WDPCP: variants seen among roughly 807,000 people sequenced by gnomAD.
The protein encoded by WDPCP is WD repeat containing planar cell polarity effector.
A neutral mutation model predicts 93.1 loss-of-function variants in WDPCP; 71 were observed. The ratio of observed to expected loss-of-function variants is 0.76; its 90% confidence interval spans 0.63 to 0.93. The LOEUF (loss-of-function observed/expected upper bound fraction) is 0.93, where lower values mean the gene tolerates loss of function less well. Among genes scored for constraint, WDPCP ranks in the 40% least tolerant of loss-of-function variants. The pLI is 0.00. For synonymous variants in WDPCP, 315 were observed against 315.0 expected, an observed-to-expected ratio of 1.00 and a Z score of 0.00; for missense variants, 844 against 887.4, an observed-to-expected ratio of 0.95 and a Z score of 0.62.
At chr2:63,448,830 G>T (rs1698039366) in intron 6 of WDPCP, among the ~76,000 whole-genome samples, 1 of 152,148 alleles carries the variant, frequency 6.6e-6, no homozygotes, top group Admixed American at 6.5e-5. Flanking sequence ...TAGCACTAGA[G>T]AGTATGATGG....
At chr2:63,783,012 A>G (rs1670417646) in intron 2 of WDPCP, among the ~76,000 whole-genome samples, 1 of 152,136 alleles carries the variant, frequency 6.6e-6, no homozygotes, top group Admixed American at 6.6e-5. Context: ...TACAACCTCT[A>G]TGGAAAACAG....
At chr2:63,672,849 T>C (rs1710361391) in intron 2 of WDPCP, among the ~76,000 whole-genome samples, 2 of 152,070 alleles carry the variant, frequency 1.3e-5, no homozygotes. Flanking sequence ...ATTCAAGCCA[T>C]CCTCCTACCT....
intron 1 of WDPCP, among the ~76,000 whole-genome samples, chr2:63,824,935 G>C (rs1234452359): frequency 6.6e-6 from 1 of 151,984 alleles, no homozygotes; most frequent in Non-Finnish European, 1.5e-5. Context: ...GTTAATAATT[G>C]ACATTTTCAC....
chr2:63,330,952 C>T (rs938972881), intron 12 of WDPCP, among the ~76,000 whole-genome samples: 3 of 150,714 alleles, frequency 2.0e-5, no homozygotes, highest in African/African-American at 4.9e-5. Context: ...CTCACTGCAG[C>T]CTTGACCTCC....
At chr2:63,259,491 T>G in intron 13 of WDPCP, 82 bp from the exon 14 acceptor site, 2 of 1,077,686 alleles carry the variant, frequency 1.9e-6, no homozygotes, top group South Asian at 2.6e-5. Context: ...GGAAACTTAT[T>G]GTCCAGATTA....
At chr2:63,673,974 T>C (rs1219792970) in intron 2 of WDPCP, among the ~76,000 whole-genome samples, 1 of 152,200 alleles carries the variant, frequency 6.6e-6, no homozygotes, top group Non-Finnish European at 1.5e-5. Context: ...CTGGGTATGC[T>C]TTATTGGCTC....
intron 2 of WDPCP, among the ~76,000 whole-genome samples, chr2:63,769,641 T>C (rs1408479241): frequency 6.6e-6 from 1 of 151,910 alleles, no homozygotes; most frequent in African/African-American, 2.4e-5. Flanking sequence ...TACGGAATAA[T>C]TCAACAAGCA....
At chr2:63,508,565 G>T (rs1309479616) in intron 1 of WDPCP, among the ~76,000 whole-genome samples, 1 of 152,060 alleles carries the variant, frequency 6.6e-6, no homozygotes, top group East Asian at 1.9e-4. Context: ...ATAATGACAG[G>T]ATCAAATTCA....
At chr2:63,353,025 C>T (rs1689744049) in intron 12 of WDPCP, among the ~76,000 whole-genome samples, 1 of 152,086 alleles carries the variant, frequency 6.6e-6, no homozygotes, top group African/African-American at 2.4e-5. Context: ...AACAACCTGA[C>T]CCACGGAGAA....
intron 13 of WDPCP, among the ~76,000 whole-genome samples, chr2:63,306,700 G>A (rs1279721832): frequency 4.6e-5 from 7 of 152,142 alleles, no homozygotes; most frequent in African/African-American, 1.7e-4. Context: ...ACCACTTCAT[G>A]CTAAAAACTC....
chr2:63,531,384 C>T (rs995322803), intron 1 of WDPCP, among the ~76,000 whole-genome samples: 3 of 152,224 alleles, frequency 2.0e-5, no homozygotes, highest in Non-Finnish European at 4.4e-5. Flanking sequence ...GGACAGACTG[C>T]ATCCTCAAAT....
At chr2:63,558,219 G>A (rs933470884) in intron 1 of WDPCP, among the ~76,000 whole-genome samples, 6 of 151,746 alleles carry the variant, frequency 4.0e-5, no homozygotes, top group Admixed American at 6.6e-5. Context: ...CAAAATAGAC[G>A]GCTAGCTAAA....
In WDPCP at chr2:63,347,502, TCA is replaced by T. The variant is rs537814666; in HGVS notation, c.1748+30882_1748+30883del. On this transcript the variant is annotated intron_variant, in intron 12 of 17. Transcript: ENST00000272321. ...GAGCCTGGCAGTCTTGCTCCAAAAC[TCA>T]CACTCTTTACCATAGTGTTGCTCTA... 3.1e-3 allele frequency among the ~76,000 whole-genome samples: 470 copies of T among 152,276 alleles called. 4 individuals carry two copies. The highest frequency in any genetic ancestry group is 0.011 in the African/African-American group (451 of 41,556).
At chr2:63,461,035 G>GTCTGGGATCTT (rs1364615437) in intron 6 of WDPCP, among the ~76,000 whole-genome samples, 1 of 152,216 alleles carries the variant, frequency 6.6e-6, no homozygotes, top group Non-Finnish European at 1.5e-5. Flanking sequence ...ACAACTGATA[G>GTCTGGGATCTT]TCTGGGATCT....
chr2:63,675,692 C>A (rs1018229269), intron 2 of WDPCP, among the ~76,000 whole-genome samples: 3 of 152,042 alleles, frequency 2.0e-5, no homozygotes, highest in African/African-American at 4.8e-5. Context: ...CTAAGTTTTG[C>A]AAATAAAAAT....
rs1054668976 is a variant in WDPCP, at chr2:63,751,891, C to T, written n.308+61731G>A. ...GTAGCTTCCACCACCTTCAAAATTG[C>T]TTCCATCACCAAATCCATTATAGCC... On this transcript the variant is annotated intron_variant and non_coding_transcript_variant, in intron 2 of 4. Transcript: ENST00000467687. 6 of 686,688 alleles carry T rather than the reference C, an allele frequency of 8.7e-6. No individual in the cohort carries two copies. In the African/African-American group the frequency reaches 1.0e-4, roughly 12 times the overall value. The allele number at this position is 686,688 out of a possible 1,614,324, so 42.5% of individuals were successfully genotyped here.
chr2:63,686,006 A>G (rs925697772), intron 2 of WDPCP, among the ~76,000 whole-genome samples: 16 of 152,200 alleles, frequency 1.1e-4, no homozygotes, highest in African/African-American at 3.9e-4. Flanking sequence ...TATCATACTG[A>G]ATGGGGTAAA....
At chr2:63,712,939 A>T (rs1293712399) in intron 2 of WDPCP, among the ~76,000 whole-genome samples, 1 of 152,184 alleles carries the variant, frequency 6.6e-6, no homozygotes. Context: ...ACTATTATAG[A>T]CACAGTGGAT....
chr2:63,798,420 G>T (rs1432151890), intron 2 of WDPCP, among the ~76,000 whole-genome samples: 2 of 152,066 alleles, frequency 1.3e-5, no homozygotes, highest in East Asian at 1.9e-4. Context: ...AAAAGCAGGG[G>T]GAAGAAGTTA....
Sources: gnomAD v4.1 joint callset for allele counts (sites outside exome capture counted in the v4.1 genomes callset) on GRCh38, gnomAD v4.1.1 for gene constraint, MANE v1.5 for transcripts, NCBI Gene and HGNC (gene_info 2026-07-23, HGNC 2026-07-21) for gene names.